Variants in ARL14EPL observed in about 807,000 individuals in gnomAD.
The protein encoded by ARL14EPL is ARL14 effector protein-like.
In ARL14EPL, 17 loss-of-function variants were observed where a neutral mutation model predicts 15.9. The observed-to-expected ratio is 1.07, with a 90% CI of 0.73 to 1.60. ARL14EPL has a LOEUF of 1.60. ARL14EPL is among the 40% of genes most tolerant of loss of function. The probability of loss-of-function intolerance (pLI) is 0.00; values close to 1 mark genes in which losing one functional copy is unlikely to be tolerated. For missense variants in ARL14EPL, 214 were observed against 185.9 expected (o/e 1.15, Z -0.88); for synonymous variants, 78 against 63.8 (o/e 1.22, Z -1.06).
At chr5:116,041,076 C>T (rs114882727) in intron 1 of ARL14EPL, among the ~76,000 whole-genome samples, 2,253 of 149,384 alleles carry the variant, frequency 0.015, 22 homozygotes, top group Non-Finnish European at 0.021. Flanking sequence ...ACAAAAAGCA[C>T]AGGGAGTTCT....
chr5:116,053,582 CG>C (rs1250137361), intron 2 of ARL14EPL, among the ~76,000 whole-genome samples: 1 of 152,022 alleles, frequency 6.6e-6, no homozygotes, highest in Non-Finnish European at 1.5e-5. Flanking sequence ...AGGGGAGTGC[CG>C]GATCTACTTT....
chr5:116,051,861 TG>T, intron 2 of ARL14EPL: 7 of 1,190,970 alleles, frequency 5.9e-6, no homozygotes, highest in Non-Finnish European at 8.5e-6. Flanking sequence ...TTTTATTTTT[TG>T]ATTTAATAAA....
At chr5:116,044,792 A>T (rs547045211) in intron 1 of ARL14EPL, among the ~76,000 whole-genome samples, 3 of 152,232 alleles carry the variant, frequency 2.0e-5, no homozygotes, top group Non-Finnish European at 4.4e-5. Context: ...CGTCCCAGCC[A>T]TTATTATACA....
intron 2 of ARL14EPL, among the ~76,000 whole-genome samples, chr5:116,053,533 G>T (rs939675066): frequency 6.6e-6 from 1 of 152,128 alleles, no homozygotes; most frequent in African/African-American, 2.4e-5. Flanking sequence ...GGCCAGTCCC[G>T]GGTAGGGAGT....
intron 1 of ARL14EPL, among the ~76,000 whole-genome samples, chr5:116,047,015 C>G (rs1749280181): frequency 6.6e-6 from 1 of 152,166 alleles, no homozygotes; most frequent in Non-Finnish European, 1.5e-5. Context: ...AGCAGGCAGC[C>G]TGCAAGCCAG....
At chr5:116,043,325 A>T (rs1749199831) in intron 1 of ARL14EPL, among the ~76,000 whole-genome samples, 1 of 152,058 alleles carries the variant, frequency 6.6e-6, no homozygotes. Flanking sequence ...GGAGTGCTTT[A>T]GTATGTGAAT....
At chr5:116,048,670 A>G (rs1054606189) in intron 1 of ARL14EPL, among the ~76,000 whole-genome samples, 1 of 152,128 alleles carries the variant, frequency 6.6e-6, no homozygotes, top group Non-Finnish European at 1.5e-5. Flanking sequence ...TTTGACATCT[A>G]CGGCAACTCG....
At chr5:116,052,382 A>T in intron 2 of ARL14EPL, 2 of 747,346 alleles carry the variant, frequency 2.7e-6, no homozygotes, top group African/African-American at 1.8e-5. Flanking sequence ...TTATTTTGTT[A>T]TTATTATGTC....
intron 1 of ARL14EPL, among the ~76,000 whole-genome samples, chr5:116,048,890 G>T (rs761849631): frequency 4.6e-5 from 7 of 152,114 alleles, no homozygotes; most frequent in Non-Finnish European, 7.4e-5. Context: ...ATATTAACAG[G>T]GCTGGAATGT....
At chr5:116,054,675 C>T (rs1417333149) in intron 3 of ARL14EPL, among the ~76,000 whole-genome samples, 1 of 151,854 alleles carries the variant, frequency 6.6e-6, no homozygotes, top group Non-Finnish European at 1.5e-5. Flanking sequence ...ACTAAAAATA[C>T]AAAAAATTAG....
intron 1 of ARL14EPL, among the ~76,000 whole-genome samples, chr5:116,040,853 C>T (rs1001696008): frequency 1.3e-4 from 20 of 148,404 alleles, no homozygotes; most frequent in South Asian, 2.1e-4. Context: ...TGGTGGCGGG[C>T]GCCTGTAGTC....
chr5:116,036,931 GA>G (rs1325916505), intron 1 of ARL14EPL, among the ~76,000 whole-genome samples: 1 of 125,122 alleles, frequency 8.0e-6, no homozygotes, highest in African/African-American at 3.2e-5. Flanking sequence ...GGCAATTAAA[GA>G]TTTTTTTTTT....
chr5:116,057,015 A>C (rs928682596), intron 3 of ARL14EPL, among the ~76,000 whole-genome samples: 5 of 152,202 alleles, frequency 3.3e-5, no homozygotes, highest in African/African-American at 1.2e-4. Flanking sequence ...ACATCAATGC[A>C]AATATCCTCA....
Position 116,059,422 on chromosome 5 carries a change from C to A in ARL14EPL, c.*475C>A, listed in dbSNP as rs1211345771. The A allele has an allele frequency of 6.3e-6, 1 of 157,682 alleles. No homozygotes were observed. Among genetic ancestry groups the A allele is most frequent in the Non-Finnish European group, 1.4e-5 (1 of 71,190 alleles). The allele number at this position is 157,682 out of a possible 1,614,324, so 9.8% of individuals were successfully genotyped here. ...TTTGAAGAAAAACTGTGACTTTGCA[C>A]TGTATACCCATAGCCTCATTTTTTT... is the stretch of plus-strand genomic sequence containing the variant. On this transcript the variant is annotated 3_prime_UTR_variant, in exon 4 of 4. Coordinates refer to ENST00000686077, the MANE Select transcript of ARL14EPL (RefSeq NM_001195581.2).
At chr5:116,048,107 C>T (rs1456051976) in intron 1 of ARL14EPL, among the ~76,000 whole-genome samples, 2 of 152,210 alleles carry the variant, frequency 1.3e-5, no homozygotes, top group Non-Finnish European at 2.9e-5. Flanking sequence ...TCAGATCACA[C>T]TTTGACTAGC....
intron 2 of ARL14EPL, among the ~76,000 whole-genome samples, chr5:116,053,449 T>C (rs1749442863): frequency 6.6e-6 from 1 of 152,088 alleles, no homozygotes; most frequent in African/African-American, 2.4e-5. Flanking sequence ...ATATTTCTCT[T>C]GTTCCAATCT....
chr5:116,045,756 G>GTT (rs920814682), intron 1 of ARL14EPL, among the ~76,000 whole-genome samples: 1 of 93,758 alleles, frequency 1.1e-5, no homozygotes, highest in Non-Finnish European at 3.0e-5. Flanking sequence ...GTGTGTGTGT[G>GTT]TGTGTGTGTG....
rs1272540481 is a variant in ARL14EPL, at chr5:116,038,248, G to A, written c.-10+5743G>A. On this transcript the variant is annotated intron_variant, in intron 1 of 3. Transcript: ENST00000686077. Reference sequence around the variant, plus strand: ...TGGCAGATGATGCCATAGAAATGAAGAGTCATATAGATCCTGCCTTGAAGT... The same window carrying A: ...TGGCAGATGATGCCATAGAAATGAAAAGTCATATAGATCCTGCCTTGAAGT... Among the ~76,000 whole-genome samples, 3 of 152,204 alleles carry A rather than the reference G, an allele frequency of 2.0e-5. No individual in the cohort carries two copies. In the East Asian group the frequency reaches 5.8e-4, roughly 29 times the overall value.
At chr5:116,035,650 T>C (rs1749036395) in intron 1 of ARL14EPL, among the ~76,000 whole-genome samples, 2 of 152,158 alleles carry the variant, frequency 1.3e-5, no homozygotes, top group South Asian at 4.1e-4. Flanking sequence ...TAGAAGCTGG[T>C]GTGGCTGCTT....
Sources: allele counts gnomAD v4.1 joint callset (sites outside exome capture counted in the v4.1 genomes callset), GRCh38; gene constraint gnomAD v4.1.1; transcripts MANE v1.5; gene names NCBI Gene and HGNC (gene_info 2026-07-23, HGNC 2026-07-21).